The following TDRD3 variants were observed in gnomAD, a reference collection of about 807,000 sequenced individuals.
TDRD3 encodes tudor domain-containing protein 3.
A neutral mutation model predicts 86.7 loss-of-function variants in TDRD3; 45 were observed. The observed-to-expected ratio is 0.52, with a 90% CI of 0.41 to 0.67. The LOEUF is 0.67. Among genes scored for constraint, TDRD3 ranks in the 30% least tolerant of loss-of-function variants. The pLI is 0.00. For missense variants in TDRD3, 814 were observed against 889.0 expected, an observed-to-expected ratio of 0.92 and a Z score of 1.07; for synonymous variants, 298 against 301.7, an observed-to-expected ratio of 0.99 and a Z score of 0.13.
intron 10 of TDRD3, among the ~76,000 whole-genome samples, chr13:60,518,113 C>A (rs1425609819): frequency 3.9e-5 from 6 of 152,168 alleles, no homozygotes; most frequent in Non-Finnish European, 8.8e-5. Flanking sequence ...AGATGGCAGG[C>A]ACAGTACCAG....
At chr13:60,529,674 ATTAT>A (rs984434101) in intron 11 of TDRD3, among the ~76,000 whole-genome samples, 4 of 152,094 alleles carry the variant, frequency 2.6e-5, no homozygotes, top group East Asian at 1.9e-4. Context: ...ATATAAGTTA[ATTAT>A]TTATTTTATA....
At chr13:60,444,935 T>C (rs572948615) in intron 3 of TDRD3, among the ~76,000 whole-genome samples, 187 bp downstream of exon 3, 1 of 152,162 alleles carries the variant, frequency 6.6e-6, no homozygotes, top group Non-Finnish European at 1.5e-5. Flanking sequence ...TTGGTGACTT[T>C]TCAACATTAA....
At chr13:60,427,585 G>A (rs918030749) in intron 1 of TDRD3, among the ~76,000 whole-genome samples, 10 of 152,030 alleles carry the variant, frequency 6.6e-5, no homozygotes, top group African/African-American at 2.4e-4. Context: ...TCTTTCCTTT[G>A]ACTGATCTCT....
At chr13:60,522,484 C>T (rs1360103971) in intron 10 of TDRD3, among the ~76,000 whole-genome samples, 2 of 152,140 alleles carry the variant, frequency 1.3e-5, no homozygotes, top group Admixed American at 6.5e-5. Flanking sequence ...CAGATACTGT[C>T]CTAAGTACTT....
At chr13:60,488,085 CAATG>C (rs1280601844) in intron 7 of TDRD3, among the ~76,000 whole-genome samples, 1 of 152,130 alleles carries the variant, frequency 6.6e-6, no homozygotes, top group African/African-American at 2.4e-5. Flanking sequence ...ATCACTGAGA[CAATG>C]AGTGTTGCCA....
chr13:60,457,315 AACAAGT>A (rs1349525665), intron 3 of TDRD3, among the ~76,000 whole-genome samples: 1 of 152,242 alleles, frequency 6.6e-6, no homozygotes, highest in African/African-American at 2.4e-5. Context: ...TGAACCAGTT[AACAAGT>A]ACAAGAGTGG....
chr13:60,530,202 G>A (rs1014762966), intron 11 of TDRD3, among the ~76,000 whole-genome samples: 6 of 152,084 alleles, frequency 3.9e-5, no homozygotes, highest in Non-Finnish European at 8.8e-5. Context: ...TTCCTTGAAG[G>A]CTGGACTGTG....
At chr13:60,563,159 C>T (rs113061944) in intron 12 of TDRD3, among the ~76,000 whole-genome samples, 6,434 of 149,796 alleles carry the variant, frequency 0.043, 465 homozygotes, top group African/African-American at 0.15. Flanking sequence ...ACCTGGAAGG[C>T]GGAGGTTGCC....
chr13:60,558,916 CCTTT>C (rs1189447431), intron 12 of TDRD3, among the ~76,000 whole-genome samples: 1 of 150,164 alleles, frequency 6.7e-6, no homozygotes, highest in Non-Finnish European at 1.5e-5. Context: ...GTGGCAAGAA[CCTTT>C]CTTCTTGCAT....
At chr13:60,516,791 C>T (rs1196662606) in intron 10 of TDRD3, among the ~76,000 whole-genome samples, 1 of 152,202 alleles carries the variant, frequency 6.6e-6, no homozygotes, top group Non-Finnish European at 1.5e-5. Context: ...TCCACCTTCA[C>T]TGCCCTACTT....
intron 7 of TDRD3, among the ~76,000 whole-genome samples, chr13:60,486,316 A>G (rs575521359): frequency 7.9e-5 from 12 of 152,164 alleles, no homozygotes; most frequent in Non-Finnish European, 1.3e-4. Context: ...CCCCTTATTA[A>G]TAGCAACTTA....
At chr13:60,429,803 A>G (rs1027930690) in intron 1 of TDRD3, among the ~76,000 whole-genome samples, 3 of 147,934 alleles carry the variant, frequency 2.0e-5, no homozygotes, top group Admixed American at 6.9e-5. Context: ...CTTTATCATT[A>G]ATTTTATTCT....
intron 11 of TDRD3, among the ~76,000 whole-genome samples, chr13:60,534,167 G>T (rs1334129735): frequency 6.6e-6 from 1 of 152,104 alleles, no homozygotes; most frequent in Non-Finnish European, 1.5e-5. Flanking sequence ...TTAAAAATTA[G>T]CCAGGCATGG....
intron 5 of TDRD3, among the ~76,000 whole-genome samples, chr13:60,469,513 C>T (rs1018339647): frequency 6.6e-6 from 1 of 152,026 alleles, no homozygotes; most frequent in African/African-American, 2.4e-5. Context: ...TGTCTCTGCA[C>T]TTGACTTCCT....
intron 8 of TDRD3, among the ~76,000 whole-genome samples, chr13:60,498,337 A>G (rs1956761747): frequency 6.6e-6 from 1 of 152,174 alleles, no homozygotes; most frequent in Non-Finnish European, 1.5e-5. Flanking sequence ...CAGTGGGAAT[A>G]ATTGGATCCC....
chr13:60,497,194 C>G (rs149939798), intron 8 of TDRD3, among the ~76,000 whole-genome samples: 3 of 152,006 alleles, frequency 2.0e-5, no homozygotes, highest in Non-Finnish European at 4.4e-5. Flanking sequence ...GGATGGCAAG[C>G]GAAAGCTCAG....
At chr13:60,397,623 G>T (rs1319264285) in intron 1 of TDRD3, among the ~76,000 whole-genome samples, 1 of 94,048 alleles carries the variant, frequency 1.1e-5, no homozygotes, top group Admixed American at 1.1e-4. Context: ...GGCGGCCTGG[G>T]CCCCGGGCGG....
chr13:60,470,973 G>C (rs1278616023), intron 5 of TDRD3, among the ~76,000 whole-genome samples: 1 of 151,992 alleles, frequency 6.6e-6, no homozygotes, highest in Non-Finnish European at 1.5e-5. Flanking sequence ...ATCTTCTTTG[G>C]AGAAATTTCT....
At chr13:60,410,971 C>T (rs188399615) in intron 1 of TDRD3, among the ~76,000 whole-genome samples, 37 of 152,164 alleles carry the variant, frequency 2.4e-4, no homozygotes, top group African/African-American at 7.0e-4. Context: ...TTTGTATATG[C>T]GTATATTAAA....
Sources: gnomAD v4.1 joint callset for allele counts (sites outside exome capture counted in the v4.1 genomes callset) on GRCh38, gnomAD v4.1.1 for gene constraint, MANE v1.5 for transcripts, NCBI Gene and HGNC (gene_info 2026-07-23, HGNC 2026-07-21) for gene names.